The following ANKHD1 variants were observed in gnomAD, a reference collection of about 807,000 sequenced individuals.
The protein encoded by ANKHD1 is ankyrin repeat and KH domain-containing protein 1.
A neutral mutation model predicts 230.5 loss-of-function variants in ANKHD1; 31 were observed. That is an observed-to-expected ratio of 0.13 (90% confidence interval 0.10 to 0.18). The LOEUF (loss-of-function observed/expected upper bound fraction) is 0.18. Ranked by LOEUF, ANKHD1 falls within the 10% of genes least tolerant of loss-of-function variation. ANKHD1 has a pLI of 1.00. For missense variants in ANKHD1, 2,256 were observed against 3,071.3 expected, an observed-to-expected ratio of 0.73 and a Z score of 6.27; for synonymous variants, 1,074 against 1,117.6, an observed-to-expected ratio of 0.96 and a Z score of 0.78.
intron 2 of ANKHD1, among the ~76,000 whole-genome samples, chr5:140,438,146 A>G (rs1457939584): frequency 2.6e-5 from 4 of 152,214 alleles, no homozygotes; most frequent in African/African-American, 9.6e-5. Context: ...TGGTGTGACT[A>G]TGTATTTTGA....
intron 1 of ANKHD1, among the ~76,000 whole-genome samples, chr5:140,413,916 G>C (rs1028996454): frequency 6.6e-6 from 1 of 152,150 alleles, no homozygotes; most frequent in Non-Finnish European, 1.5e-5. Flanking sequence ...GAGTAGCTGA[G>C]ACTACAGGAG....
rs930274055 is a variant in ANKHD1 at position 140,535,425 on chromosome 5, T to A, written c.6914T>A (p.Phe2305Tyr). 1.2e-6 allele frequency: 2 copies of A among 1,613,750 alleles called. No homozygotes were observed. The highest frequency in any genetic ancestry group is 4.5e-5 in the East Asian group (2 of 44,870). ...TCCTCTTCTGCTCCTCTGGCAAGTT[T>A]TTCCGGCATACCAGGAACAAGGGTT... ...PSSSSAPLAS[F>Y]SGIPGTRVFL... Residue 2305 changes from phenylalanine (F) to tyrosine (Y), a missense_variant, in exon 30 of 34, where the codon TTT (phenylalanine) becomes TAT (tyrosine). Phe to Tyr is a conservative substitution (Grantham distance 22). This residue lies in a region of ANKHD1 where 778 missense variants were observed against 966.5 expected (regional missense o/e 0.80). Coordinates refer to ENST00000360839, the MANE Select transcript of ANKHD1 (RefSeq NM_017747.3).
chr5:140,433,054 T>TC (rs1278438143), intron 1 of ANKHD1, among the ~76,000 whole-genome samples: 1,761 of 132,894 alleles, frequency 0.013, 10 homozygotes, highest in Middle Eastern at 0.031. Flanking sequence ...CCCACCCCCT[T>TC]CCCCCCCCCA....
chr5:140,440,483 C>A (rs1458338554), intron 4 of ANKHD1, among the ~76,000 whole-genome samples: 1 of 152,160 alleles, frequency 6.6e-6, no homozygotes, highest in African/African-American at 2.4e-5. Flanking sequence ...CTGCCACTTA[C>A]TCAAAGCTAA....
Position 140,513,488 on chromosome 5 carries a change from G to C in ANKHD1, c.4317+9G>C, listed in dbSNP as rs1489137246. 2 of 1,609,128 alleles carry C rather than the reference G, an allele frequency of 1.2e-6. No homozygotes were observed. Among genetic ancestry groups the C allele is most frequent in the African/African-American group, 1.3e-5 (1 of 74,736 alleles). ...AACTTGATCTGGAAAAGGTGAGTGG[G>C]AAAAATAATTTTCCTTTTTAGAAAT... On this transcript the variant is annotated intron_variant, in intron 24 of 33. Transcript: ENST00000360839.
chr5:140,439,983 AGTAATAT>A, intron 3 of ANKHD1, 129 bp from the exon 4 acceptor site: 1 of 1,111,378 alleles, frequency 9.0e-7, no homozygotes, highest in South Asian at 3.3e-5. Context: ...ATGCTCAGCA[AGTAATAT>A]GTTCATATAA....
rs1157858854 is a variant in ANKHD1 at position 140,539,471 on chromosome 5, G to T, written c.*53G>T. ...GTTTAAGAAACCTATGACCTTGGAA[G>T]AACCATGGGGATTTTTTTTTAATGT... is the stretch of plus-strand genomic sequence containing the variant. On this transcript the variant is annotated 3_prime_UTR_variant, in exon 34 of 34. Coordinates refer to ENST00000360839, the MANE Select transcript of ANKHD1 (RefSeq NM_017747.3). 1.3e-6 allele frequency: 2 copies of T among 1,535,930 alleles called. No homozygotes were observed. Among genetic ancestry groups the T allele is most frequent in the Non-Finnish European group, 1.8e-6 (2 of 1,140,234 alleles).
chr5:140,458,296 T>C (rs549896646), intron 7 of ANKHD1, among the ~76,000 whole-genome samples: 6 of 152,318 alleles, frequency 3.9e-5, no homozygotes, highest in Admixed American at 2.6e-4. Flanking sequence ...GCATTGACTA[T>C]AGATTTCACA....
intron 10 of ANKHD1, chr5:140,465,204 G>A (rs1456365252): frequency 2.0e-5 from 3 of 152,470 alleles, no homozygotes; most frequent in East Asian, 3.8e-4. Context: ...TGTATATAAT[G>A]TGTAATTATC....
intron 1 of ANKHD1, among the ~76,000 whole-genome samples, chr5:140,426,931 C>A (rs1305858908): frequency 2.6e-5 from 4 of 152,216 alleles, no homozygotes; most frequent in Non-Finnish European, 5.9e-5. Flanking sequence ...TACACAGACA[C>A]GGCAACCATC....
chr5:140,505,423 T>C (rs1247359363), intron 17 of ANKHD1, among the ~76,000 whole-genome samples, 190 bp downstream of exon 17: 1 of 152,236 alleles, frequency 6.6e-6, no homozygotes, highest in Non-Finnish European at 1.5e-5. Context: ...TAGACGTAGA[T>C]CATTAGTGAA....
chr5:140,498,523 A>G (rs945823371), intron 15 of ANKHD1, among the ~76,000 whole-genome samples: 7 of 152,182 alleles, frequency 4.6e-5, no homozygotes, highest in Non-Finnish European at 1.0e-4. Context: ...AAATTCTGGG[A>G]AATGTTTTAA....
At chr5:140,475,397 T>C (rs1750906089) in intron 10 of ANKHD1, among the ~76,000 whole-genome samples, 1 of 152,170 alleles carries the variant, frequency 6.6e-6, no homozygotes, top group African/African-American at 2.4e-5. Flanking sequence ...ATGTAGTACA[T>C]CAGTAGATCT....
At chr5:140,413,584 C>T (rs1056019644) in intron 1 of ANKHD1, among the ~76,000 whole-genome samples, 1 of 152,138 alleles carries the variant, frequency 6.6e-6, no homozygotes, top group Non-Finnish European at 1.5e-5. Flanking sequence ...TGGAATCATG[C>T]AGTATTTGTC....
intron 24 of ANKHD1, among the ~76,000 whole-genome samples, chr5:140,514,330 A>G (rs1752890491): frequency 1.3e-5 from 2 of 151,816 alleles, no homozygotes; most frequent in Non-Finnish European, 2.9e-5. Context: ...CCCCATCTCT[A>G]CAAAAAACAA....
At chr5:140,442,952 C>G (rs961205476) in intron 5 of ANKHD1, among the ~76,000 whole-genome samples, 3 of 151,470 alleles carry the variant, frequency 2.0e-5, no homozygotes, top group African/African-American at 7.3e-5. Context: ...GTTGCCCAGA[C>G]TGGAGTGCAG....
At chr5:140,431,911 CTAT>C (rs370292319) in intron 1 of ANKHD1, among the ~76,000 whole-genome samples, 112 of 152,222 alleles carry the variant, frequency 7.4e-4, no homozygotes, top group African/African-American at 2.6e-3. Context: ...TTACCTGATG[CTAT>C]TATTGACACC....
At chr5:140,500,260 C>T (rs902987302) in intron 15 of ANKHD1, among the ~76,000 whole-genome samples, 2 of 152,172 alleles carry the variant, frequency 1.3e-5, no homozygotes, top group Non-Finnish European at 2.9e-5. Context: ...CATGCACCAA[C>T]TTCTATGATA....
rs1377937889 is a variant in ANKHD1 at position 140,497,029 on chromosome 5, G to A, written c.2755G>A (p.Ala919Thr). 1.2e-6 allele frequency: 2 copies of A among 1,614,156 alleles called. No homozygotes were observed. The highest frequency in any genetic ancestry group is 1.7e-5 in the Admixed American group (1 of 60,016). ...VDDEQQSPPSAEQIDFVPVQP... is the reference protein window; with the variant it reads ...VDDEQQSPPSTEQIDFVPVQP... ...TGATGAGCAACAGTCTCCACCATCG[G>A]CAGAACAGATTGATTTTGTCCCAGT... Residue 919 changes from alanine (A) to threonine (T), a missense_variant, in exon 15 of 34, where the codon GCA (alanine) becomes ACA (threonine). Transcript: ENST00000360839.
Sources: gnomAD v4.1 joint callset for allele counts (sites outside exome capture counted in the v4.1 genomes callset) on GRCh38, gnomAD v4.1.1 for gene constraint, gnomAD v4.1.1 regional missense constraint, MANE v1.5 for transcripts, NCBI Gene and HGNC (gene_info 2026-07-23, HGNC 2026-07-21) for gene names.